Variants in YIPF1 observed in about 807,000 individuals in gnomAD.
YIPF1 encodes Yip1 domain family member 1.
In YIPF1, 22 loss-of-function variants were observed where a neutral mutation model predicts 37.0. That is an observed-to-expected ratio of 0.59 (90% CI 0.42 to 0.85). The LOEUF is 0.85. Ranked by LOEUF, YIPF1 falls within the 40% of genes least tolerant of loss-of-function variation. The pLI is 0.00. For missense variants in YIPF1, 355 were observed against 373.1 expected (o/e 0.95, Z 0.40); for synonymous variants, 128 against 131.9 (o/e 0.97, Z 0.21).
intron 7 of YIPF1, among the ~76,000 whole-genome samples, chr1:53,868,157 T>C (rs1650082095): frequency 6.6e-6 from 1 of 152,236 alleles, no homozygotes; most frequent in African/African-American, 2.4e-5. Flanking sequence ...TTAGGCCAAA[T>C]GTAATTCTGC....
At chr1:53,869,160 TCACACACACA>T (rs55922911) in intron 7 of YIPF1, among the ~76,000 whole-genome samples, 1 of 137,980 alleles carries the variant, frequency 7.2e-6, no homozygotes, top group African/African-American at 2.8e-5. Context: ...TCTCTCTCTC[TCACACACACA>T]CACACACACA....
intron 6 of YIPF1, among the ~76,000 whole-genome samples, chr1:53,873,310 T>G (rs1270813834): frequency 2.6e-5 from 4 of 152,062 alleles, no homozygotes; most frequent in African/African-American, 4.8e-5. Context: ...AGCTGGGATC[T>G]AAAGAAGAAC....
rs759374987 is a variant in YIPF1, at chr1:53,869,131, T to TTCTC, written c.482-2211_482-2208dup. On this transcript the variant is annotated intron_variant, in intron 7 of 10. Transcript: ENST00000072644. ...AAAGAAGGAAGGATACATGGATACATTCTCTCTCTCTCTCTCTCTCTCTCT... is the reference window on the plus strand; with the variant it reads ...AAAGAAGGAAGGATACATGGATACATTCTCTCTCTCTCTCTCTCTCTCTCTCTCT... Among the ~76,000 whole-genome samples the TTCTC allele has an allele frequency of 8.4e-3, 1,166 of 139,532 alleles. 22 individuals are homozygous for TTCTC. The highest frequency in any genetic ancestry group is 0.027 in the African/African-American group (989 of 36,424). 91.5% of individuals were successfully genotyped at this position (139,532 alleles called of 152,430 possible).
chr1:53,860,213 T>C, intron 9 of YIPF1, 60 bp from the exon 10 acceptor site: 1 of 1,524,024 alleles, frequency 6.6e-7, no homozygotes, highest in Non-Finnish European at 9.1e-7. Flanking sequence ...GTAAGTGTTT[T>C]TTTAGACTCC....
intron 6 of YIPF1, among the ~76,000 whole-genome samples, chr1:53,877,443 G>C (rs975931125): frequency 3.3e-5 from 5 of 152,202 alleles, no homozygotes; most frequent in Non-Finnish European, 7.3e-5. Flanking sequence ...AATGAGATAT[G>C]ATCAAGTACA....
At chr1:53,875,854 C>G (rs930986972) in intron 6 of YIPF1, among the ~76,000 whole-genome samples, 1 of 152,194 alleles carries the variant, frequency 6.6e-6, no homozygotes, top group African/African-American at 2.4e-5. Flanking sequence ...CAAATTCACC[C>G]ATTTATACAA....
chr1:53,870,458 G>A (rs150100594), intron 7 of YIPF1, among the ~76,000 whole-genome samples: 83 of 152,170 alleles, frequency 5.5e-4, no homozygotes, highest in Non-Finnish European at 1.5e-4. Flanking sequence ...TGACAGGCAT[G>A]AGCAACCATG....
chr1:53,884,953 T>C (rs1326771620), intron 3 of YIPF1, among the ~76,000 whole-genome samples: 1 of 152,200 alleles, frequency 6.6e-6, no homozygotes, highest in Non-Finnish European at 1.5e-5. Context: ...TGGAGAACAC[T>C]AAAGTGACTG....
Position 53,883,185 on chromosome 1 carries a change from TG to T in YIPF1, c.122del (p.Pro41GlnfsTer70). On this transcript the variant is annotated frameshift_variant, in exon 4 of 11. Transcript: ENST00000072644. LOFTEE classifies it high-confidence loss of function. ...EDPGETPKHQPGSPRGSGREE... is the reference protein window; with the variant it reads ...EDPGETPKHQXGSPRGSGREE... ...CTCTTCCTGAGCCTCTTGGGGATCCTGGCTGATGTTTTGGGGTTTCACCAGG... is the reference window on the plus strand; with the variant it reads ...CTCTTCCTGAGCCTCTTGGGGATCCTGCTGATGTTTTGGGGTTTCACCAGG... The T allele has an allele frequency of 6.2e-7, 1 of 1,603,464 alleles. No homozygotes were observed. The highest frequency in any genetic ancestry group is 8.5e-7 in the Non-Finnish European group (1 of 1,175,646).
At chr1:53,883,645 T>A (rs1180389433) in intron 3 of YIPF1, among the ~76,000 whole-genome samples, 1 of 152,240 alleles carries the variant, frequency 6.6e-6, no homozygotes, top group African/African-American at 2.4e-5. Flanking sequence ...ATCTAAGTCC[T>A]AAACTTTACT....
At chr1:53,860,217 A>G in intron 9 of YIPF1, 64 bp from the exon 10 acceptor site, 2 of 1,498,668 alleles carry the variant, frequency 1.3e-6, no homozygotes, top group Non-Finnish European at 1.8e-6. Flanking sequence ...GTGTTTTTTT[A>G]GACTCCATGC....
chr1:53,876,803 C>T (rs1210180638), intron 6 of YIPF1, among the ~76,000 whole-genome samples: 1 of 152,130 alleles, frequency 6.6e-6, no homozygotes, highest in African/African-American at 2.4e-5. Context: ...AGGTACTGCC[C>T]TAATAATAGT....
chr1:53,866,682 A>T (rs1650033102), intron 8 of YIPF1, 76 bp downstream of exon 8: 3 of 1,476,206 alleles, frequency 2.0e-6, no homozygotes, highest in Non-Finnish European at 2.7e-6. Flanking sequence ...TAATGATGGT[A>T]GGTCAAATTC....
intron 3 of YIPF1, among the ~76,000 whole-genome samples, chr1:53,886,365 T>A (rs1385810093): frequency 6.6e-6 from 1 of 151,888 alleles, no homozygotes; most frequent in African/African-American, 2.4e-5. Flanking sequence ...CCATCTCAGC[T>A]CCTTGAGCAT....
At chr1:53,867,616 C>T (rs973779823) in intron 7 of YIPF1, among the ~76,000 whole-genome samples, 25 of 151,938 alleles carry the variant, frequency 1.6e-4, no homozygotes, top group African/African-American at 5.3e-4. Context: ...CGCCCGCCTC[C>T]GCCTCCCAAA....
intron 3 of YIPF1, among the ~76,000 whole-genome samples, chr1:53,887,252 G>A (rs530337255): frequency 6.6e-6 from 1 of 152,032 alleles, no homozygotes; most frequent in Admixed American, 6.5e-5. Context: ...GCTAATTTTT[G>A]TATTTTTAGT....
At chr1:53,859,528 A>C (rs186437107) in intron 10 of YIPF1, among the ~76,000 whole-genome samples, 1 of 152,168 alleles carries the variant, frequency 6.6e-6, no homozygotes, top group East Asian at 1.9e-4. Flanking sequence ...GCCAGGCAGT[A>C]GTGGCACCCA....
intron 9 of YIPF1, among the ~76,000 whole-genome samples, chr1:53,861,077 C>A (rs1557602096): frequency 6.6e-6 from 1 of 152,188 alleles, no homozygotes; most frequent in Non-Finnish European, 1.5e-5. Context: ...AAGGGGGCAC[C>A]AACACAACAT....
rs1007249901 is a variant in YIPF1, at chr1:53,866,845, G to A, written c.561C>T (p.Asn187=). ...LALWGFLMWR[N]SKVMNIVSYS... ...AGGAGACGATGTTCATAACTTTGCT[G>A]TTTCTCCACATGAGGAAACCCCAGA... Residue 187 remains asparagine, a synonymous_variant, in exon 8 of 11, where the codon AAC becomes AAT. Transcript: ENST00000072644. 1 of 1,614,180 alleles carries A rather than the reference G, an allele frequency of 6.2e-7. No individual in the cohort carries two copies. The highest frequency in any genetic ancestry group is 8.5e-7 in the Non-Finnish European group (1 of 1,180,028).
Sources: gnomAD v4.1 joint callset for allele counts (sites outside exome capture counted in the v4.1 genomes callset) on GRCh38, gnomAD v4.1.1 for gene constraint, MANE v1.5 for transcripts, NCBI Gene and HGNC (gene_info 2026-07-23, HGNC 2026-07-21) for gene names.